The following SHISA9 variants were observed in gnomAD, a reference collection of about 807,000 sequenced individuals.
SHISA9 encodes the protein shisa family member 9.
SHISA9 carries 13 observed loss-of-function variants against 38.0 expected under a neutral mutation model. The observed-to-expected ratio is 0.34, with a 90% CI of 0.22 to 0.54. SHISA9 has a LOEUF of 0.54. SHISA9 is among the 20% of genes least tolerant of loss of function. SHISA9 has a pLI of 0.91. For synonymous variants in SHISA9, 275 were observed against 242.0 expected, an observed-to-expected ratio of 1.14 and a Z score of -1.27; for missense variants, 538 against 575.8, an observed-to-expected ratio of 0.93 and a Z score of 0.67.
rs954872992 is a variant in SHISA9 at position 13,235,270 on chromosome 16, G to A, written c.1136G>A (p.Arg379Gln). Residue 379 changes from arginine to glutamine, a missense_variant, in exon 5 of 5, where the codon CGG (arginine) becomes CAG (glutamine). Physicochemically the swap from Arg to Gln is conservative, Grantham distance 43. Transcript: ENST00000558583. ...TGGGACCCCAACGAGCAGTCCCTCC[G>A]GCGGCAGGCTTACAGCAACAAGGGC... is the stretch of plus-strand genomic sequence containing the variant. ...KGWDPNEQSL[R>Q]RQAYSNKGKL... 1.3e-6 allele frequency: 2 copies of A among 1,551,582 alleles called. No individual in the cohort carries two copies. Among genetic ancestry groups the A allele is most frequent in the African/African-American group, 1.4e-5 (1 of 73,104 alleles).
chr16:13,378,602 T>A, the SHISA9 span, among the ~76,000 whole-genome samples: 4 of 152,204 alleles, frequency 2.6e-5, no homozygotes. Context: ...CTGTTATTCA[T>A]GCACCTGTCA....
At chr16:13,333,035 C>CTGACCCCCCTT in the SHISA9 span, among the ~76,000 whole-genome samples, 1 of 152,188 alleles carries the variant, frequency 6.6e-6, no homozygotes, top group Non-Finnish European at 1.5e-5. Context: ...AGCAAGGGGT[C>CTGACCCCCCTT]CTCTGCCGTG....
chr16:13,335,693 C>T, the SHISA9 span, among the ~76,000 whole-genome samples: 1 of 152,108 alleles, frequency 6.6e-6, no homozygotes, highest in African/African-American at 2.4e-5. Context: ...CTCTCAGGCT[C>T]TGTTATCCCA....
At chr16:13,273,871 C>T in the SHISA9 span, among the ~76,000 whole-genome samples, 16 of 152,244 alleles carry the variant, frequency 1.1e-4, no homozygotes, top group South Asian at 1.9e-3. Flanking sequence ...CATGGTTACC[C>T]ATGTATCTGG....
the SHISA9 span, among the ~76,000 whole-genome samples, chr16:13,360,648 G>T: frequency 1.3e-5 from 2 of 152,104 alleles, no homozygotes; most frequent in Non-Finnish European, 2.9e-5. Context: ...ACCCAGTCTC[G>T]GGTATGTCTT....
intron 2 of SHISA9, among the ~76,000 whole-genome samples, chr16:12,924,906 A>G (rs1596532088): frequency 6.6e-6 from 1 of 152,324 alleles, no homozygotes; most frequent in African/African-American, 2.4e-5. Context: ...TTCCCATTCT[A>G]TAAAAGGAGT....
chr16:13,537,153 C>G, the SHISA9 span, among the ~76,000 whole-genome samples: 1 of 152,022 alleles, frequency 6.6e-6, no homozygotes, highest in Non-Finnish European at 1.5e-5. Context: ...AAGGGCCAGG[C>G]CTGGTGGCTC....
intron 2 of SHISA9, among the ~76,000 whole-genome samples, chr16:13,018,203 A>T (rs1160884023): frequency 6.6e-6 from 1 of 152,150 alleles, no homozygotes; most frequent in African/African-American, 2.4e-5. Context: ...ACAGCTTCAC[A>T]GTGGGTAGGG....
intron 4 of SHISA9, among the ~76,000 whole-genome samples, chr16:13,215,599 A>G (rs1034803963): frequency 6.6e-6 from 1 of 152,112 alleles, no homozygotes; most frequent in Non-Finnish European, 1.5e-5. Context: ...CTGTCCTTAT[A>G]TCATCCTTTT....
chr16:13,131,777 A>G (rs1396969161), intron 2 of SHISA9, among the ~76,000 whole-genome samples: 3 of 152,170 alleles, frequency 2.0e-5, no homozygotes, highest in African/African-American at 7.2e-5. Flanking sequence ...AGTCTAAGGA[A>G]CTTGCCTGAA....
At chr16:13,272,267 C>T in the SHISA9 span, among the ~76,000 whole-genome samples, 4 of 151,896 alleles carry the variant, frequency 2.6e-5, no homozygotes, top group African/African-American at 4.8e-5. Flanking sequence ...TAGTGATCGC[C>T]GACAGTTTCA....
the SHISA9 span, among the ~76,000 whole-genome samples, chr16:13,378,041 C>T: frequency 7.2e-5 from 11 of 152,026 alleles, no homozygotes; most frequent in African/African-American, 2.4e-4. Context: ...TAAACAACAC[C>T]ACCAACAAAA....
the SHISA9 span, among the ~76,000 whole-genome samples, chr16:13,352,022 A>C: frequency 6.6e-6 from 1 of 152,318 alleles, no homozygotes; most frequent in Non-Finnish European, 1.5e-5. Flanking sequence ...CTGACATCAA[A>C]GGATGCTGGA....
the SHISA9 span, among the ~76,000 whole-genome samples, chr16:13,384,863 C>T: frequency 6.6e-6 from 1 of 152,240 alleles, no homozygotes; most frequent in African/African-American, 2.4e-5. Context: ...CTGTGAAGGA[C>T]CCCATTAAGA....
At chr16:13,503,444 G>A in the SHISA9 span, among the ~76,000 whole-genome samples, 2 of 152,002 alleles carry the variant, frequency 1.3e-5, no homozygotes, top group African/African-American at 4.8e-5. Flanking sequence ...GCATTACCTG[G>A]GCTCTGTCAT....
the SHISA9 span, among the ~76,000 whole-genome samples, chr16:13,368,059 TA>T: frequency 6.6e-6 from 1 of 152,286 alleles, no homozygotes; most frequent in South Asian, 2.1e-4. Flanking sequence ...AAGCTTCCTC[TA>T]AAAAACCTCA....
chr16:13,534,019 G>A, the SHISA9 span, among the ~76,000 whole-genome samples: 5 of 151,820 alleles, frequency 3.3e-5, no homozygotes, highest in East Asian at 3.9e-4. Flanking sequence ...TCCTGACCTC[G>A]TGATCCGCCC....
At chr16:13,118,782 T>C (rs573605996) in intron 2 of SHISA9, among the ~76,000 whole-genome samples, 15 of 147,516 alleles carry the variant, frequency 1.0e-4, no homozygotes, top group African/African-American at 3.5e-4. Flanking sequence ...CAGGCTGGAA[T>C]GCAATGGCGT....
chr16:13,389,272 T>C, the SHISA9 span, among the ~76,000 whole-genome samples: 19 of 152,210 alleles, frequency 1.2e-4, no homozygotes, highest in Admixed American at 1.2e-3. Context: ...GTTTACCCTC[T>C]CTGTAGTTTT....
Sources: allele counts gnomAD v4.1 joint callset (sites outside exome capture counted in the v4.1 genomes callset), GRCh38; gene constraint gnomAD v4.1.1; transcripts MANE v1.5; gene names NCBI Gene and HGNC (gene_info 2026-07-23, HGNC 2026-07-21).